GATAD2A: variants seen among roughly 807,000 people sequenced by gnomAD.
GATAD2A encodes transcriptional repressor p66-alpha.
In GATAD2A, 12 loss-of-function variants were observed where a neutral mutation model predicts 68.5. That is an observed-to-expected ratio of 0.18 (90% CI 0.11 to 0.28). The LOEUF is 0.28. Ranked by LOEUF, GATAD2A falls within the 10% of genes least tolerant of loss-of-function variation. GATAD2A has a pLI of 1.00. For synonymous variants in GATAD2A, 410 were observed against 375.3 expected, an observed-to-expected ratio of 1.09 and a Z score of -1.07; for missense variants, 755 against 868.5, an observed-to-expected ratio of 0.87 and a Z score of 1.64.
At chr19:19,397,304 G>A (rs764964773) in intron 1 of GATAD2A, among the ~76,000 whole-genome samples, 4 of 150,492 alleles carry the variant, frequency 2.7e-5, no homozygotes, top group African/African-American at 9.8e-5. Flanking sequence ...GTGCAATGGC[G>A]TGATCTCAGC....
At chr19:19,492,538 C>T in intron 3 of GATAD2A, 43 bp from the exon 4 acceptor site, 1 of 1,612,616 alleles carries the variant, frequency 6.2e-7, no homozygotes, top group Non-Finnish European at 8.5e-7. Context: ...CTGCTCCTCA[C>T]CAAGGACGCT....
chr19:19,407,604 C>G (rs951542762), intron 1 of GATAD2A, among the ~76,000 whole-genome samples: 1 of 152,212 alleles, frequency 6.6e-6, no homozygotes, highest in African/African-American at 2.4e-5. Flanking sequence ...TTCTAAAATA[C>G]AAGGCCATTT....
At position 19,446,322 on chromosome 19, in the gene GATAD2A, G is replaced by A. The variant is rs139069659; in HGVS notation, c.-6-19018G>A. Among the ~76,000 whole-genome samples the A allele has an allele frequency of 1.8e-3, 281 of 152,202 alleles. 2 individuals carry two copies. Among genetic ancestry groups the A allele is most frequent in the East Asian group, 0.012 (62 of 5,186 alleles). ...TTTTTCACATGCTCATTGGTGATTC[G>A]TCTCTCTTCTTTGGAGAAATGTCTG... On this transcript the variant is annotated intron_variant, in intron 1 of 11. Coordinates refer to ENST00000683918, the MANE Select transcript of GATAD2A (RefSeq NM_001384528.1).
intron 1 of GATAD2A, among the ~76,000 whole-genome samples, chr19:19,392,271 A>G (rs1256150015): frequency 1.3e-5 from 2 of 150,770 alleles, no homozygotes; most frequent in Admixed American, 6.6e-5. Context: ...TTTTGTAGAG[A>G]CAGGGTCTCG....
chr19:19,393,425 T>G (rs1356874397), intron 1 of GATAD2A, among the ~76,000 whole-genome samples: 1 of 152,218 alleles, frequency 6.6e-6, no homozygotes, highest in African/African-American at 2.4e-5. Flanking sequence ...TTAGAAAGTG[T>G]TAAATCTTCT....
intron 1 of GATAD2A, among the ~76,000 whole-genome samples, chr19:19,444,472 A>G (rs1020234396): frequency 2.0e-5 from 3 of 152,130 alleles, no homozygotes; most frequent in African/African-American, 7.2e-5. Context: ...CGTTGTTGGC[A>G]CCCCAAGGGT....
chr19:19,422,698 A>G (rs761663520), intron 1 of GATAD2A, among the ~76,000 whole-genome samples: 14 of 147,994 alleles, frequency 9.5e-5, no homozygotes, highest in Non-Finnish European at 1.9e-4. Context: ...GCATTTCTCT[A>G]TTCTTTTTGT....
intron 1 of GATAD2A, among the ~76,000 whole-genome samples, chr19:19,391,342 T>G (rs2048832266): frequency 6.6e-6 from 1 of 152,202 alleles, no homozygotes; most frequent in African/African-American, 2.4e-5. Flanking sequence ...CTTCCCTCCT[T>G]TCTTTCTCTC....
chr19:19,436,170 C>T (rs2054315610), intron 1 of GATAD2A: 3 of 1,366,380 alleles, frequency 2.2e-6, no homozygotes, highest in Non-Finnish European at 2.9e-6. Flanking sequence ...TTTGATGTCA[C>T]TGTGGCCATG....
chr19:19,411,237 T>G (rs1294561039), intron 1 of GATAD2A, among the ~76,000 whole-genome samples: 1 of 152,230 alleles, frequency 6.6e-6, no homozygotes, highest in Non-Finnish European at 1.5e-5. Flanking sequence ...AACCCAGCCT[T>G]TCTGATTTCA....
chr19:19,493,231 G>A (rs2059922417), intron 4 of GATAD2A, among the ~76,000 whole-genome samples: 1 of 152,214 alleles, frequency 6.6e-6, no homozygotes, highest in Admixed American at 6.5e-5. Context: ...GAGCCACTGT[G>A]CCCGCCCTAA....
Position 19,462,789 on chromosome 19 carries a change from C to T in GATAD2A, c.-6-2551C>T, listed in dbSNP as rs111259821. Among the ~76,000 whole-genome samples the T allele has an allele frequency of 1.1e-3, 171 of 152,294 alleles. 2 individuals are homozygous for T. The highest frequency in any genetic ancestry group is 1.8e-3 in the Admixed American group (27 of 15,290). On this transcript the variant is annotated intron_variant, in intron 1 of 11. Coordinates refer to ENST00000683918, the MANE Select transcript of GATAD2A (RefSeq NM_001384528.1). ...CGAAGTGAGGCCACACAGGCACGGC[C>T]CCCCTGATCTGGCTGTCAGTTCCAC...
chr19:19,464,973 G>C (rs2057751185), intron 1 of GATAD2A: 1 of 319,936 alleles, frequency 3.1e-6, no homozygotes, highest in Non-Finnish European at 5.9e-6. Flanking sequence ...AAGGCAGGTA[G>C]TTGAGATCTA....
chr19:19,493,461 G>A (rs911981240), intron 4 of GATAD2A, among the ~76,000 whole-genome samples: 1 of 152,240 alleles, frequency 6.6e-6, no homozygotes, highest in Non-Finnish European at 1.5e-5. Context: ...CAACTGTCGG[G>A]AGGGTCCTGC....
At chr19:19,503,797 G>A (rs1056829382) in intron 11 of GATAD2A, among the ~76,000 whole-genome samples, 1 of 152,126 alleles carries the variant, frequency 6.6e-6, no homozygotes, top group Non-Finnish European at 1.5e-5. Context: ...TTGAGAGAGC[G>A]CCTGGCAGGA....
chr19:19,426,515 A>G (rs1387484122), intron 1 of GATAD2A, among the ~76,000 whole-genome samples: 16 of 151,714 alleles, frequency 1.1e-4, no homozygotes, highest in Non-Finnish European at 2.4e-4. Flanking sequence ...TTTTAATTTA[A>G]TTTTTATTTT....
At position 19,507,866 on chromosome 19, in the gene GATAD2A, C is replaced by T. The variant is rs112624389; in HGVS notation, c.*2392C>T. On this transcript the variant is annotated 3_prime_UTR_variant, in exon 12 of 12. Transcript: ENST00000683918. Reference sequence around the variant, plus strand: ...TTCCTTTCAGTTCCTTGCAGCATAACCTCTACGATAAGCCCCAAGCGGGTT... The same window carrying T: ...TTCCTTTCAGTTCCTTGCAGCATAATCTCTACGATAAGCCCCAAGCGGGTT... The T allele has an allele frequency of 2.5e-3, 379 of 152,308 alleles. 3 individuals are homozygous for T. The highest frequency in any genetic ancestry group is 8.8e-3 in the African/African-American group (365 of 41,552). 9.4% of individuals were successfully genotyped at this position (152,308 alleles called of 1,614,324 possible). A position where few individuals can be genotyped will look rare whatever the true frequency, so the allele number is the denominator to read the frequency against.
intron 1 of GATAD2A, among the ~76,000 whole-genome samples, chr19:19,423,139 T>C (rs1333333800): frequency 6.6e-6 from 1 of 152,206 alleles, no homozygotes; most frequent in Non-Finnish European, 1.5e-5. Flanking sequence ...CCCGAGTGGC[T>C]GGGATTGCAG....
chr19:19,436,251 G>C, intron 1 of GATAD2A: 1 of 1,199,950 alleles, frequency 8.3e-7, no homozygotes, highest in South Asian at 1.2e-5. Flanking sequence ...TCTGTGGAAG[G>C]AAGGTTCCAC....
Sources: allele counts gnomAD v4.1 joint callset (sites outside exome capture counted in the v4.1 genomes callset), GRCh38; gene constraint gnomAD v4.1.1; transcripts MANE v1.5; gene names NCBI Gene and HGNC (gene_info 2026-07-23, HGNC 2026-07-21).